Variants in TYW1 observed in about 807,000 individuals in gnomAD.
TYW1 encodes the protein S-adenosyl-L-methionine-dependent tRNA 4-demethylwyosine synthase TYW1.
In TYW1, 46 loss-of-function variants were observed where a neutral mutation model predicts 96.2. That is an observed-to-expected ratio of 0.48 (90% CI 0.38 to 0.61). The LOEUF (loss-of-function observed/expected upper bound fraction) is 0.61, where lower values mean the gene tolerates loss of function less well. Ranked by LOEUF, TYW1 falls within the 20% of genes least tolerant of loss-of-function variation. The probability of loss-of-function intolerance (pLI) is 0.00; values close to 1 mark genes in which losing one functional copy is unlikely to be tolerated. For missense variants in TYW1, 684 were observed against 909.6 expected, an observed-to-expected ratio of 0.75 and a Z score of 3.19; for synonymous variants, 274 against 323.0, an observed-to-expected ratio of 0.85 and a Z score of 1.63.
intron 8 of TYW1, among the ~76,000 whole-genome samples, chr7:67,051,731 TG>T (rs368574232): frequency 0.034 from 4,623 of 134,926 alleles, 96 homozygotes; most frequent in Middle Eastern, 0.073. Flanking sequence ...TTTGTTTTTT[TG>T]TTTTTTTTTT....
At chr7:67,092,033 C>G (rs2711913) in intron 11 of TYW1, among the ~76,000 whole-genome samples, 36,909 of 151,956 alleles carry the variant, frequency 0.24, 4,776 homozygotes, top group African/African-American at 0.32. Flanking sequence ...GAGTGTTGTA[C>G]GACTCAGTCC....
intron 13 of TYW1, among the ~76,000 whole-genome samples, chr7:67,127,908 G>T (rs1229925336): frequency 6.6e-6 from 1 of 152,066 alleles, no homozygotes; most frequent in Non-Finnish European, 1.5e-5. Context: ...CTGGGTAGAA[G>T]TTGAAATCAT....
intron 13 of TYW1, among the ~76,000 whole-genome samples, chr7:67,174,181 TG>T (rs1799594293): frequency 6.6e-6 from 1 of 151,976 alleles, no homozygotes; most frequent in Admixed American, 6.6e-5. Context: ...ACCATTATGC[TG>T]CTTATCAGAT....
At chr7:67,072,764 A>G (rs1796068675) in intron 10 of TYW1, among the ~76,000 whole-genome samples, 1 of 151,968 alleles carries the variant, frequency 6.6e-6, no homozygotes, top group Admixed American at 6.6e-5. Context: ...TCTGTTAAAA[A>G]ATGATATGGC....
At chr7:67,131,783 C>T (rs1237889683) in intron 13 of TYW1, among the ~76,000 whole-genome samples, 1 of 152,132 alleles carries the variant, frequency 6.6e-6, no homozygotes, top group Admixed American at 6.5e-5. Flanking sequence ...CAGTCTGTGG[C>T]CAAAAGGCCT....
At chr7:67,070,509 T>C (rs914170542) in intron 10 of TYW1, among the ~76,000 whole-genome samples, 2 of 152,180 alleles carry the variant, frequency 1.3e-5, no homozygotes, top group African/African-American at 2.4e-5. Context: ...AGGTTTTTCT[T>C]TGGCCTGTTC....
chr7:67,223,411 C>T (rs1272725151), intron 15 of TYW1, among the ~76,000 whole-genome samples: 1 of 152,112 alleles, frequency 6.6e-6, no homozygotes, highest in Admixed American at 6.5e-5. Flanking sequence ...AACTTAAAGT[C>T]TTTTCAGTTC....
intron 11 of TYW1, among the ~76,000 whole-genome samples, chr7:67,096,865 T>C (rs889863634): frequency 1.3e-5 from 2 of 152,204 alleles, no homozygotes; most frequent in Non-Finnish European, 2.9e-5. Context: ...TGAAGGACTT[T>C]TAGGACAGCA....
At position 67,047,783 on chromosome 7, in the gene TYW1, A is replaced by ATTTTTT. The variant is rs36007120; in HGVS notation, c.985-2145_985-2140dup. Among the ~76,000 whole-genome samples the ATTTTTT allele has an allele frequency of 5.4e-4, 43 of 79,890 alleles. 2 individuals carry two copies. The highest frequency in any genetic ancestry group is 1.3e-3 in the African/African-American group (27 of 21,412). The allele number at this position is 79,890 out of a possible 152,430, so 52.4% of individuals were successfully genotyped here. A position where few individuals can be genotyped will look rare whatever the true frequency, so the allele number is the denominator to read the frequency against. ...TTTCACTTACTTTCTGTGAGTGTCA[A>ATTTTTT]TTTTTTTTTTTTTTTTTTTTTTTTT... On this transcript the variant is annotated intron_variant, in intron 7 of 15. Coordinates refer to ENST00000359626, the MANE Select transcript of TYW1 (RefSeq NM_018264.4).
intron 13 of TYW1, among the ~76,000 whole-genome samples, chr7:67,134,404 A>G (rs919280277): frequency 1.4e-5 from 2 of 143,702 alleles, no homozygotes; most frequent in South Asian, 2.2e-4. Flanking sequence ...TTAGCCTGGC[A>G]TGGTGGCAGG....
chr7:67,007,641 C>CT (rs965128006), intron 3 of TYW1, among the ~76,000 whole-genome samples: 15 of 151,430 alleles, frequency 9.9e-5, no homozygotes, highest in African/African-American at 2.4e-4. Flanking sequence ...TACCTTTTCT[C>CT]TTTTTTTTTG....
At chr7:67,051,198 T>A (rs1433490648) in intron 8 of TYW1, among the ~76,000 whole-genome samples, 3 of 152,204 alleles carry the variant, frequency 2.0e-5, no homozygotes, top group Non-Finnish European at 4.4e-5. Context: ...CATTTCATAG[T>A]ATATCTTTGA....
intron 7 of TYW1, among the ~76,000 whole-genome samples, chr7:67,041,356 T>G (rs1795013445): frequency 6.6e-6 from 1 of 152,034 alleles, no homozygotes; most frequent in African/African-American, 2.4e-5. Flanking sequence ...CAGGCTGGAG[T>G]GCAGTGGCAC....
intron 12 of TYW1, among the ~76,000 whole-genome samples, chr7:67,112,628 AAAAGAAAAC>A (rs1281131100): frequency 6.6e-6 from 1 of 151,950 alleles, no homozygotes; most frequent in African/African-American, 2.4e-5. Flanking sequence ...AAAAAAAAAA[AAAAGAAAAC>A]AAAAGAAAAA....
At chr7:67,063,924 C>T (rs1196168229) in intron 9 of TYW1, among the ~76,000 whole-genome samples, 3 of 152,056 alleles carry the variant, frequency 2.0e-5, no homozygotes, top group East Asian at 1.9e-4. Flanking sequence ...TAACAATGAA[C>T]ATATGAAAAC....
intron 13 of TYW1, among the ~76,000 whole-genome samples, chr7:67,162,204 C>A (rs1024143582): frequency 2.6e-5 from 4 of 151,438 alleles, no homozygotes; most frequent in Non-Finnish European, 5.9e-5. Flanking sequence ...GTCCCAGCTA[C>A]TCAGGAGGCT....
At chr7:67,194,746 A>T (rs1303546070) in intron 14 of TYW1, among the ~76,000 whole-genome samples, 1 of 150,102 alleles carries the variant, frequency 6.7e-6, no homozygotes. Flanking sequence ...CAGTGAATCA[A>T]TTACTTGGTC....
chr7:67,038,797 G>C (rs762816169), intron 7 of TYW1, among the ~76,000 whole-genome samples: 26 of 152,084 alleles, frequency 1.7e-4, no homozygotes, highest in Admixed American at 3.3e-4. Flanking sequence ...CCAGCTACTC[G>C]GGAGGTTGAG....
chr7:67,184,531 G>A (rs1165757767), intron 14 of TYW1, among the ~76,000 whole-genome samples: 1 of 151,164 alleles, frequency 6.6e-6, no homozygotes, highest in African/African-American at 2.4e-5. Flanking sequence ...AAGGGTAAAT[G>A]CATATATTAT....
Sources: allele counts gnomAD v4.1 joint callset (sites outside exome capture counted in the v4.1 genomes callset), GRCh38; gene constraint gnomAD v4.1.1; transcripts MANE v1.5; gene names NCBI Gene and HGNC (gene_info 2026-07-23, HGNC 2026-07-21).